The following LGR6 variants were observed in gnomAD, a reference collection of about 807,000 sequenced individuals.
LGR6 encodes leucine-rich repeat-containing G protein-coupled receptor 6.
LGR6 carries 45 observed loss-of-function variants against 69.4 expected under a neutral mutation model. The ratio of observed to expected loss-of-function variants is 0.65; its 90% CI spans 0.51 to 0.83. The LOEUF (loss-of-function observed/expected upper bound fraction) is 0.83, where lower values mean the gene tolerates loss of function less well. Among genes scored for constraint, LGR6 ranks in the 40% least tolerant of loss-of-function variants. The pLI, the probability that LGR6 is intolerant of heterozygous loss-of-function variation, is 0.00. For synonymous variants in LGR6, 538 were observed against 555.0 expected, an observed-to-expected ratio of 0.97 and a Z score of 0.43; for missense variants, 1,108 against 1,246.7, an observed-to-expected ratio of 0.89 and a Z score of 1.68.
intron 4 of LGR6, among the ~76,000 whole-genome samples, chr1:202,265,885 T>G (rs985408315): frequency 2.6e-5 from 4 of 152,144 alleles, no homozygotes; most frequent in Admixed American, 6.5e-5. Context: ...GGTCTTCCCA[T>G]GTAATGGGGG....
chr1:202,227,395 G>A (rs765337702), intron 2 of LGR6, among the ~76,000 whole-genome samples: 11 of 152,140 alleles, frequency 7.2e-5, no homozygotes, highest in Admixed American at 1.3e-4. Flanking sequence ...ACATGGAAAC[G>A]CTTAATTAGA....
chr1:202,254,692 G>T (rs182449244), intron 4 of LGR6, among the ~76,000 whole-genome samples: 165 of 152,318 alleles, frequency 1.1e-3, no homozygotes, highest in Non-Finnish European at 2.2e-3. Flanking sequence ...CCAGAATGCT[G>T]TGGGAAGGGG....
Position 202,225,482 on chromosome 1 carries a change from T to C in LGR6, c.272T>C (p.Phe91Ser). ...CCTGGCCTCTTCCACCACCTGCGCT[T>C]CTTGGAGGAGCTGTGAGTAGATGCT... ...LQPGLFHHLR[F>S]LEELRLSGNH... is the part of the protein sequence containing the mutation. The change falls in exon 2 of 18, where the codon TTC (phenylalanine) becomes TCC (serine). Residue 91 changes from phenylalanine (F) to serine (S), a missense_variant. By Grantham distance (155) the Phe-to-Ser change is radical (BLOSUM62 -2). Transcript: ENST00000367278. The C allele has an allele frequency of 6.2e-7, 1 of 1,613,800 alleles. No individual in the cohort carries two copies. Among genetic ancestry groups the C allele is most frequent in the South Asian group, 1.1e-5 (1 of 91,078 alleles).
intron 1 of LGR6, among the ~76,000 whole-genome samples, chr1:202,221,288 C>G (rs1660137895): frequency 6.6e-6 from 1 of 152,164 alleles, no homozygotes; most frequent in Non-Finnish European, 1.5e-5. Flanking sequence ...TGCTCTCTGA[C>G]CCCTCCATCC....
intron 1 of LGR6, among the ~76,000 whole-genome samples, chr1:202,199,502 C>T (rs888796196): frequency 2.6e-5 from 4 of 152,186 alleles, no homozygotes; most frequent in Middle Eastern, 3.2e-3. Context: ...GCATGGGGCG[C>T]GGCCGGGTGG....
chr1:202,238,224 TA>T (rs1340088232), intron 4 of LGR6, among the ~76,000 whole-genome samples: 1 of 150,958 alleles, frequency 6.6e-6, no homozygotes, highest in African/African-American at 2.4e-5. Context: ...GCCTCCTGAG[TA>T]GCTGGGACTA....
intron 1 of LGR6, chr1:202,203,840 A>C: frequency 3.1e-6 from 5 of 1,613,876 alleles, no homozygotes; most frequent in Non-Finnish European, 4.2e-6. Context: ...CAAGGTTGAC[A>C]CTTGTTTGTC....
At chr1:202,265,479 T>TG (rs530230190) in intron 4 of LGR6, among the ~76,000 whole-genome samples, 76 of 152,300 alleles carry the variant, frequency 5.0e-4, no homozygotes, top group African/African-American at 1.7e-3. Flanking sequence ...CCTCAACCAG[T>TG]GACCTGGGAA....
chr1:202,194,270 C>G, intron 1 of LGR6, 69 bp downstream of exon 1: 1 of 1,169,408 alleles, frequency 8.6e-7, no homozygotes, highest in Non-Finnish European at 1.2e-6. Context: ...CCGGCCTCAG[C>G]AGGGCACCTG....
intron 4 of LGR6, among the ~76,000 whole-genome samples, chr1:202,242,624 A>G (rs749361069): frequency 1.3e-5 from 2 of 152,222 alleles, no homozygotes; most frequent in Non-Finnish European, 2.9e-5. Context: ...TGCAATGGAA[A>G]GTATCTTTTT....
chr1:202,300,741 G>T, intron 7 of LGR6, 108 bp from the exon 8 acceptor site: 7 of 631,722 alleles, frequency 1.1e-5, no homozygotes, highest in Admixed American at 2.7e-5. Context: ...TGCCTCTTTT[G>T]TCTTATGGAC....
chr1:202,304,601 G>A lies in LGR6; in HGVS notation c.1041G>A (p.Met347Ile), dbSNP rs151061371. 2.6e-4 allele frequency: 425 copies of A among 1,611,236 alleles called. 2 individuals carry two copies. In the African/African-American group the frequency reaches 5.2e-3, roughly 20 times the overall value. Residue 347 changes from methionine (M) to isoleucine (I), a missense_variant, in exon 11 of 18, where the codon ATG (methionine) becomes ATA (isoleucine). Transcript: ENST00000367278. ...RAGIRLLPSG[M>I]CQQLPRLRVL... is the part of the protein sequence containing the mutation. Reference sequence around the variant, plus strand: ...GCATCCGGCTGCTCCCATCGGGGATGTGCCAACAGCTGCCCAGGCTCCGAG... The same window carrying A: ...GCATCCGGCTGCTCCCATCGGGGATATGCCAACAGCTGCCCAGGCTCCGAG...
chr1:202,298,140 A>C (rs1667298028), intron 7 of LGR6, among the ~76,000 whole-genome samples: 1 of 152,254 alleles, frequency 6.6e-6, no homozygotes, highest in East Asian at 1.9e-4. Flanking sequence ...GAAGACACAA[A>C]GTAACATAGG....
intron 6 of LGR6, among the ~76,000 whole-genome samples, chr1:202,294,639 C>A (rs930715229): frequency 1.1e-4 from 17 of 152,252 alleles, no homozygotes; most frequent in Middle Eastern, 3.4e-3. Context: ...TGGGAGCATT[C>A]CAAGAAAGCA....
chr1:202,238,782 A>G (rs1661863475), intron 4 of LGR6, among the ~76,000 whole-genome samples: 1 of 151,626 alleles, frequency 6.6e-6, no homozygotes, highest in Non-Finnish European at 1.5e-5. Context: ...TTGAGCCTTG[A>G]AAGACTAGTA....
Position 202,318,965 on chromosome 1 carries a change from C to T in LGR6, c.2662C>T (p.Pro888Ser). ...TCTGGAAGCTTCTGAAGCTGGGCGG[C>T]CCCCTGGGCTGGAGACCTATGGCTT... ...LILEASEAGR[P>S]PGLETYGFPS... The change falls in exon 18 of 18, where the codon CCC becomes TCC. Residue 888 changes from proline to serine, a missense_variant. Coordinates refer to ENST00000367278, the MANE Select transcript of LGR6 (RefSeq NM_001017403.2). 3 of 1,613,302 alleles carry T rather than the reference C, an allele frequency of 1.9e-6. No homozygotes were observed. The highest frequency in any genetic ancestry group is 2.5e-6 in the Non-Finnish European group (3 of 1,179,626).
intron 6 of LGR6, among the ~76,000 whole-genome samples, chr1:202,297,282 C>A (rs901247641): frequency 6.6e-6 from 1 of 152,198 alleles, no homozygotes; most frequent in South Asian, 2.1e-4. Context: ...TATGTCTCCC[C>A]CCTCAGAACA....
At chr1:202,198,824 C>A (rs1658736253) in intron 1 of LGR6, among the ~76,000 whole-genome samples, 2 of 151,906 alleles carry the variant, frequency 1.3e-5, no homozygotes, top group Admixed American at 1.3e-4. Flanking sequence ...AACAGGCAGC[C>A]TTAACAGGGG....
intron 1 of LGR6, chr1:202,214,355 C>A (rs1250440814): frequency 1.9e-6 from 2 of 1,045,584 alleles, no homozygotes; most frequent in Non-Finnish European, 2.7e-6. Context: ...CGGCCCTAAT[C>A]CCCTTCCATT....
Sources: allele counts gnomAD v4.1 joint callset (sites outside exome capture counted in the v4.1 genomes callset), GRCh38; gene constraint gnomAD v4.1.1; transcripts MANE v1.5; gene names NCBI Gene and HGNC (gene_info 2026-07-23, HGNC 2026-07-21).